RORC: variants seen among roughly 807,000 people sequenced by gnomAD.
RORC encodes nuclear receptor ROR-gamma.
RORC carries 13 observed loss-of-function variants against 64.5 expected under a neutral mutation model. The observed-to-expected ratio is 0.20, with a 90% CI of 0.13 to 0.32. The LOEUF (loss-of-function observed/expected upper bound fraction) is 0.32. Among genes scored for constraint, RORC ranks in the 10% least tolerant of loss-of-function variants. The pLI is 1.00. For synonymous variants in RORC, 277 were observed against 259.3 expected, an observed-to-expected ratio of 1.07 and a Z score of -0.65; for missense variants, 468 against 669.5, an observed-to-expected ratio of 0.70 and a Z score of 3.32.
chr1:151,820,055 A>G (rs551142716), intron 2 of RORC, among the ~76,000 whole-genome samples: 42 of 152,218 alleles, frequency 2.8e-4, no homozygotes, highest in African/African-American at 9.4e-4. Context: ...ACACTGAAAC[A>G]CAGAAAATCC....
intron 6 of RORC, chr1:151,813,940 G>T (rs1651642519): frequency 1.1e-5 from 3 of 279,562 alleles, no homozygotes; most frequent in Non-Finnish European, 2.0e-5. Context: ...CCCCACAAAG[G>T]TTATGCCCAA....
intron 4 of RORC, among the ~76,000 whole-genome samples, chr1:151,815,751 C>T (rs1027324962): frequency 2.0e-5 from 3 of 152,156 alleles, no homozygotes; most frequent in South Asian, 2.1e-4. Flanking sequence ...TGGGGGTGGT[C>T]GAGCAGAGGG....
intron 5 of RORC, 34 bp from the exon 6 acceptor site, chr1:151,814,729 C>G: frequency 6.3e-7 from 1 of 1,592,658 alleles, no homozygotes; most frequent in Non-Finnish European, 8.6e-7. Flanking sequence ...GGCTTGATCT[C>G]AGCCAGCTCC....
At chr1:151,808,350 G>C (rs1651393963) in intron 10 of RORC, among the ~76,000 whole-genome samples, 1 of 152,242 alleles carries the variant, frequency 6.6e-6, no homozygotes, top group South Asian at 2.1e-4. Context: ...ACAGAAACCA[G>C]TGAGCAGACG....
rs1651513681 is a variant in RORC, at chr1:151,811,265, C to T, written c.1395+60G>A. The T allele has an allele frequency of 8.7e-6, 10 of 1,149,120 alleles. No homozygotes were observed. The South Asian group carries it at 9.0e-5, about 10-fold the overall frequency. 71.2% of individuals were successfully genotyped at this position (1,149,120 alleles called of 1,614,324 possible). A position where few individuals can be genotyped will look rare whatever the true frequency, so the allele number is the denominator to read the frequency against. On this transcript the variant is annotated intron_variant, in intron 10 of 10. Coordinates refer to ENST00000318247, the MANE Select transcript of RORC (RefSeq NM_005060.4). ...ACCCACAGACCCCGGCCCTCGCAAA[C>T]TCTGATGTTACAGAGCTAGCGATGG...
intron 1 of RORC, 105 bp from the exon 2 acceptor site, chr1:151,829,563 GC>G: frequency 3.6e-6 from 4 of 1,118,464 alleles, no homozygotes; most frequent in Non-Finnish European, 4.9e-6. Context: ...TTCCCTCAGA[GC>G]CTGGCGTCTG....
intron 10 of RORC, among the ~76,000 whole-genome samples, chr1:151,810,219 AT>A (rs997899334): frequency 1.3e-5 from 2 of 151,636 alleles, no homozygotes; most frequent in East Asian, 1.9e-4. Flanking sequence ...CAGGAAAAGG[AT>A]TTTTTTTCAT....
At position 151,829,474 on chromosome 1, in the gene RORC, A is replaced by G. The variant is rs767371240; in HGVS notation, c.41-16T>C. On this transcript the variant is annotated splice_polypyrimidine_tract_variant and intron_variant, in intron 1 of 10. Coordinates refer to ENST00000318247, the MANE Select transcript of RORC (RefSeq NM_005060.4). Reference sequence around the variant, plus strand: ...GCCAGCAGCTCTGTAAAGACAAGAGAGGGGGTTGACGTCAAAGGTTGAAGA... The same window carrying G: ...GCCAGCAGCTCTGTAAAGACAAGAGGGGGGGTTGACGTCAAAGGTTGAAGA... 1.3e-6 allele frequency: 2 copies of G among 1,524,274 alleles called. No homozygotes were observed. The highest frequency in any genetic ancestry group is 2.4e-5 in the Admixed American group (1 of 41,330). The allele number at this position is 1,524,274 out of a possible 1,614,324, so 94.4% of individuals were successfully genotyped here. A position where few individuals can be genotyped will look rare whatever the true frequency, so the allele number is the denominator to read the frequency against.
Position 151,807,681 on chromosome 1 carries a change from T to G in RORC, c.1396-48A>C. On this transcript the variant is annotated intron_variant, in intron 10 of 10. Transcript: ENST00000318247. The surrounding 1 kb of genome is among the most constrained non-coding windows in gnomAD (Gnocchi z 5.0). ...GGGAGGGTCAATACTTCAGCTCTCC[T>G]CAGAGCAAAGAAGTCCGCTCATTCT... The G allele has an allele frequency of 3.1e-6, 5 of 1,597,224 alleles. No homozygotes were observed. Among genetic ancestry groups the G allele is most frequent in the Non-Finnish European group, 4.3e-6 (5 of 1,167,960 alleles).
Position 151,830,659 on chromosome 1 carries a change from C to CACACACACAT in RORC, c.40+1065_40+1066insATGTGTGTGT, listed in dbSNP as rs59443678. On this transcript the variant is annotated intron_variant, in intron 1 of 10. Coordinates refer to ENST00000318247, the MANE Select transcript of RORC (RefSeq NM_005060.4). The surrounding 1 kb of genome is among the most constrained non-coding windows in gnomAD (Gnocchi z 4.0). ...ACACACACACACACACACACACACA[C>CACACACACAT]ACAGTGCCCTTCTGCCCGGGAGATG... Among the ~76,000 whole-genome samples, 2,625 of 138,948 alleles carry CACACACACAT rather than the reference C, an allele frequency of 0.019. 118 individuals are homozygous for CACACACACAT. The highest frequency in any genetic ancestry group is 0.075 in the South Asian group (314 of 4,206). The allele number at this position is 138,948 out of a possible 152,430, so 91.2% of individuals were successfully genotyped here. A position where few individuals can be genotyped will look rare whatever the true frequency, so the allele number is the denominator to read the frequency against.
intron 10 of RORC, among the ~76,000 whole-genome samples, chr1:151,810,757 T>C (rs141817390): frequency 0.013 from 2,030 of 152,262 alleles, 36 homozygotes; most frequent in African/African-American, 0.046. Context: ...GGTCTCGAAC[T>C]CCTGACCTCA....
Position 151,831,779 on chromosome 1 carries a change from G to C in RORC, c.-15C>G, listed in dbSNP as rs1652428276. 6.2e-7 allele frequency: 1 copy of C among 1,607,210 alleles called. No homozygotes were observed. Among genetic ancestry groups the C allele is most frequent in the South Asian group, 1.1e-5 (1 of 90,944 alleles). On this transcript the variant is annotated 5_prime_UTR_variant, in exon 1 of 11. Coordinates refer to ENST00000318247, the MANE Select transcript of RORC (RefSeq NM_005060.4). ...GCCCTGTCCATGGGGCAGCTCCCTT[G>C]GTGCCGTCCTGGCTGCCCTGGCTGC...
At chr1:151,825,537 G>A (rs1317176020) in intron 2 of RORC, among the ~76,000 whole-genome samples, 1 of 152,118 alleles carries the variant, frequency 6.6e-6, no homozygotes, top group Non-Finnish European at 1.5e-5. Context: ...CGTAACAAGG[G>A]AAACACTGTA....
intron 2 of RORC, among the ~76,000 whole-genome samples, chr1:151,822,349 A>C (rs1652026745): frequency 1.3e-5 from 2 of 152,188 alleles, no homozygotes; most frequent in Non-Finnish European, 2.9e-5. Context: ...CCTGGCGAAC[A>C]CTACCCCCAG....
chr1:151,807,667 T>C lies in RORC; in HGVS notation c.1396-34A>G. The C allele has an allele frequency of 6.2e-7, 1 of 1,610,220 alleles. No individual in the cohort carries two copies. The highest frequency in any genetic ancestry group is 8.5e-7 in the Non-Finnish European group (1 of 1,177,450). ...GGGTTAATGGGGAAGGGAGGGTCAA[T>C]ACTTCAGCTCTCCTCAGAGCAAAGA... On this transcript the variant is annotated intron_variant, in intron 10 of 10. Coordinates refer to ENST00000318247, the MANE Select transcript of RORC (RefSeq NM_005060.4). The surrounding 1 kb of genome is among the most constrained non-coding windows in gnomAD (Gnocchi z 5.0).
intron 4 of RORC, 37 bp downstream of exon 4, chr1:151,816,627 C>A (rs773795049): frequency 1.9e-6 from 3 of 1,577,686 alleles, no homozygotes; most frequent in African/African-American, 2.7e-5. Context: ...TCTGGAGACA[C>A]CAGGAAAACC....
chr1:151,817,907 G>C (rs61815118), intron 2 of RORC, among the ~76,000 whole-genome samples: 34,453 of 152,284 alleles, frequency 0.23, 4,463 homozygotes, highest in South Asian at 0.44. Context: ...CCTAGGGAAA[G>C]AATTAGCCAG....
intron 1 of RORC, among the ~76,000 whole-genome samples, chr1:151,831,387 AG>A (rs1248652997): frequency 6.6e-6 from 1 of 152,118 alleles, no homozygotes; most frequent in African/African-American, 2.4e-5. Flanking sequence ...CACACCTGGG[AG>A]GGCCTGTCCA....
Position 151,815,182 on chromosome 1 carries a change from C to A in RORC, c.542G>T (p.Gly181Val). The part of the protein sequence containing the change: ...ACPPGLLKAS[G>V]SGPSYSNNLA... ...GTTGTTGGAATATGAGGGCCCAGAG[C>A]CTGAGGCTTTCAGGAGGCCAGGGGG... The change falls in exon 5 of 11, where the codon GGC becomes GTC. Residue 181 changes from glycine (G) to valine (V), a missense_variant. Gly to Val is a moderately radical substitution (Grantham distance 109, BLOSUM62 -3). Transcript: ENST00000318247. 6.2e-7 allele frequency: 1 copy of A among 1,614,004 alleles called. No homozygotes were observed. Among genetic ancestry groups the A allele is most frequent in the Non-Finnish European group, 8.5e-7 (1 of 1,179,948 alleles).
Sources: gnomAD v4.1 joint callset for allele counts (sites outside exome capture counted in the v4.1 genomes callset) on GRCh38, gnomAD v4.1.1 for gene constraint, Gnocchi (gnomAD v3.1) non-coding constraint, MANE v1.5 for transcripts, NCBI Gene and HGNC (gene_info 2026-07-23, HGNC 2026-07-21) for gene names.